The following SPMIP6 variants were observed in gnomAD, a reference collection of about 807,000 sequenced individuals.
SPMIP6 encodes the protein sperm microtubule inner protein 6.
the SPMIP6 span, chr9:34,379,527 T>A: frequency 1.1e-6 from 1 of 886,770 alleles, no homozygotes; most frequent in Non-Finnish European, 1.9e-6. The surrounding 1 kb of genome is among the most constrained non-coding windows in gnomAD (Gnocchi z 4.2). Context: ...CCTCGTGGTA[T>A]GTGCCTGTCA....
At chr9:34,386,745 G>A in the SPMIP6 span, among the ~76,000 whole-genome samples, 138 of 152,274 alleles carry the variant, frequency 9.1e-4, no homozygotes, top group Middle Eastern at 6.8e-3. Context: ...TCCAGGCCCT[G>A]GGCCCCTGTG....
chr9:34,390,808 AC>A, the SPMIP6 span, among the ~76,000 whole-genome samples: 31 of 151,878 alleles, frequency 2.0e-4, no homozygotes, highest in African/African-American at 7.0e-4. Context: ...TTTTGTAGAG[AC>A]GGGGGTCTCA....
chr9:34,385,901 C>T, the SPMIP6 span: 2 of 917,316 alleles, frequency 2.2e-6, no homozygotes, highest in African/African-American at 1.7e-5. Flanking sequence ...CCCAACCCCC[C>T]TCCCCATGTC....
the SPMIP6 span, chr9:34,380,666 G>C: frequency 6.5e-7 from 1 of 1,541,890 alleles, no homozygotes; most frequent in Non-Finnish European, 8.8e-7. Flanking sequence ...GTTTGAGAGG[G>C]ACAGGGGTCG....
the SPMIP6 span, chr9:34,381,092 C>A: frequency 6.2e-7 from 1 of 1,609,326 alleles, no homozygotes; most frequent in South Asian, 1.1e-5. This position sits in a 1 kb window ranked among gnomAD's most constrained non-coding sequence, Gnocchi z 4.4. Flanking sequence ...CTGCTGGTTC[C>A]GCGACAGTGA....
the SPMIP6 span, chr9:34,381,475 C>G: frequency 6.2e-7 from 1 of 1,613,788 alleles, no homozygotes; most frequent in South Asian, 1.1e-5. This position sits in a 1 kb window ranked among gnomAD's most constrained non-coding sequence, Gnocchi z 4.4. Context: ...ACCTCAAGCT[C>G]TGACCTGGCA....
chr9:34,379,079 C>A, the SPMIP6 span: 1 of 1,591,702 alleles, frequency 6.3e-7, no homozygotes. This position sits in a 1 kb window ranked among gnomAD's most constrained non-coding sequence, Gnocchi z 4.2. Flanking sequence ...CCAGGCTCTA[C>A]CAGCAACGAT....
At chr9:34,383,976 A>G in the SPMIP6 span, among the ~76,000 whole-genome samples, 1 of 152,138 alleles carries the variant, frequency 6.6e-6, no homozygotes, top group African/African-American at 2.4e-5. Context: ...TTAAAACCCT[A>G]TAGGGTTTGT....
chr9:34,380,410 A>G, the SPMIP6 span, among the ~76,000 whole-genome samples: 2 of 152,180 alleles, frequency 1.3e-5, no homozygotes, highest in Non-Finnish European at 2.9e-5. Context: ...CGGCTCACGT[A>G]GCCCCCAGGA....
chr9:34,379,668 A>G, the SPMIP6 span: 1 of 1,614,128 alleles, frequency 6.2e-7, no homozygotes, highest in South Asian at 1.1e-5. This position sits in a 1 kb window ranked among gnomAD's most constrained non-coding sequence, Gnocchi z 4.2. Flanking sequence ...TATGGGTAGT[A>G]TGACGGCGGG....
the SPMIP6 span, chr9:34,379,701 TTCCGGGCCG>T: frequency 1.2e-6 from 2 of 1,614,148 alleles, no homozygotes; most frequent in Admixed American, 3.3e-5. The surrounding 1 kb of genome is among the most constrained non-coding windows in gnomAD (Gnocchi z 4.2). Flanking sequence ...GCACACTGCA[TTCCGGGCCG>T]GTGCTCGTAG....
the SPMIP6 span, among the ~76,000 whole-genome samples, chr9:34,389,412 AGT>A: frequency 6.6e-6 from 1 of 152,234 alleles, no homozygotes; most frequent in African/African-American, 2.4e-5. Context: ...ATCTTCTTTA[AGT>A]GTGTTACAGC....
the SPMIP6 span, among the ~76,000 whole-genome samples, chr9:34,396,288 C>G: frequency 6.6e-6 from 1 of 152,120 alleles, no homozygotes; most frequent in Non-Finnish European, 1.5e-5. Context: ...CTACATTCAG[C>G]GTATATTTAT....
the SPMIP6 span, among the ~76,000 whole-genome samples, chr9:34,382,459 C>T: frequency 6.6e-6 from 1 of 152,176 alleles, no homozygotes; most frequent in Admixed American, 6.5e-5. Context: ...ATGGCGCATG[C>T]CTGTAATCCC....
At chr9:34,387,120 C>T in the SPMIP6 span, among the ~76,000 whole-genome samples, 330 of 151,938 alleles carry the variant, frequency 2.2e-3, no homozygotes, top group African/African-American at 7.6e-3. Flanking sequence ...CCTAACCTCC[C>T]AGGCTCAAGT....
the SPMIP6 span, among the ~76,000 whole-genome samples, chr9:34,392,481 T>C: frequency 7.8e-6 from 1 of 127,514 alleles, no homozygotes; most frequent in Admixed American, 7.8e-5. This position sits in a 1 kb window ranked among gnomAD's most constrained non-coding sequence, Gnocchi z 4.6. Context: ...GTGTGTTTAA[T>C]CTGAAAATCT....
At chr9:34,393,050 A>G in the SPMIP6 span, among the ~76,000 whole-genome samples, 1 of 152,226 alleles carries the variant, frequency 6.6e-6, no homozygotes, top group South Asian at 2.1e-4. Context: ...TTCTTTCCAA[A>G]TATCATGCAG....
the SPMIP6 span, among the ~76,000 whole-genome samples, chr9:34,387,450 G>A: frequency 4.6e-5 from 7 of 152,076 alleles, no homozygotes; most frequent in Non-Finnish European, 7.4e-5. Flanking sequence ...CGTGGGTGGC[G>A]GGCAGAATAT....
the SPMIP6 span, chr9:34,380,598 A>G: frequency 6.9e-7 from 1 of 1,444,804 alleles, no homozygotes; most frequent in Non-Finnish European, 9.1e-7. Context: ...TTCTTCCTCA[A>G]AAACCCTCTG....
Sources: gnomAD v4.1 joint callset for allele counts (sites outside exome capture counted in the v4.1 genomes callset) on GRCh38, gnomAD v4.1.1 for gene constraint, Gnocchi (gnomAD v3.1) non-coding constraint, MANE v1.5 for transcripts, NCBI Gene and HGNC (gene_info 2026-07-23, HGNC 2026-07-21) for gene names.